Variants in BMPER observed in about 807,000 individuals in gnomAD.
BMPER encodes BMP binding endothelial regulator.
Under a neutral mutation model 87.3 loss-of-function variants are expected in BMPER, and 45 were observed. The observed-to-expected ratio is 0.52, with a 90% CI of 0.41 to 0.66. BMPER has a LOEUF of 0.66. Among genes scored for constraint, BMPER ranks in the 30% least tolerant of loss-of-function variants. The pLI is 0.00. For synonymous variants in BMPER, 326 were observed against 316.2 expected (o/e 1.03, Z -0.33); for missense variants, 784 against 867.5 (o/e 0.90, Z 1.21).
chr7:33,998,820 C>T (rs1786495255), intron 6 of BMPER, among the ~76,000 whole-genome samples: 2 of 152,232 alleles, frequency 1.3e-5, no homozygotes, highest in African/African-American at 2.4e-5. Context: ...CCGACCTGCT[C>T]ATCAGAGGAG....
At chr7:34,082,421 T>C (rs560488144) in intron 12 of BMPER, among the ~76,000 whole-genome samples, 1 of 149,454 alleles carries the variant, frequency 6.7e-6, no homozygotes, top group Non-Finnish European at 1.5e-5. Context: ...TGCAAATGCA[T>C]ATGTAGATGA....
At chr7:34,082,209 T>C (rs1789067730) in intron 12 of BMPER, among the ~76,000 whole-genome samples, 1 of 152,034 alleles carries the variant, frequency 6.6e-6, no homozygotes, top group Admixed American at 6.6e-5. Context: ...GAGAAACTCA[T>C]CCCAGCTGCA....
intron 6 of BMPER, among the ~76,000 whole-genome samples, chr7:33,991,141 A>G (rs1222334276): frequency 6.8e-6 from 1 of 147,576 alleles, no homozygotes; most frequent in African/African-American, 2.5e-5. Context: ...AAAATGAGTT[A>G]GGGAGGATTC....
chr7:33,905,823 C>T (rs1205800757), intron 1 of BMPER, 77 bp downstream of exon 1: 5 of 438,020 alleles, frequency 1.1e-5, no homozygotes, highest in Non-Finnish European at 2.3e-5. Flanking sequence ...TGGCTTGCCC[C>T]GGGGATGGGA....
chr7:34,059,022 A>G (rs1788359344), intron 10 of BMPER, among the ~76,000 whole-genome samples: 1 of 140,126 alleles, frequency 7.1e-6, no homozygotes, highest in Non-Finnish European at 1.6e-5. Context: ...AGGAGAGGAA[A>G]AAAAGAAAAA....
intron 13 of BMPER, among the ~76,000 whole-genome samples, chr7:34,118,451 T>G (rs1790173327): frequency 6.6e-6 from 1 of 152,190 alleles, no homozygotes; most frequent in Non-Finnish European, 1.5e-5. Context: ...AGGGGGAGCA[T>G]TTCCAAAGCT....
At chr7:33,947,935 C>G (rs1784926407) in intron 3 of BMPER, among the ~76,000 whole-genome samples, 1 of 152,030 alleles carries the variant, frequency 6.6e-6, no homozygotes. Flanking sequence ...TTTAAAAAAA[C>G]TCTTATATGA....
At chr7:34,029,005 C>T (rs933708922) in intron 6 of BMPER, among the ~76,000 whole-genome samples, 8 of 151,930 alleles carry the variant, frequency 5.3e-5, no homozygotes, top group Non-Finnish European at 8.8e-5. Flanking sequence ...ATATTGTCAT[C>T]ATGGAATATT....
intron 6 of BMPER, among the ~76,000 whole-genome samples, chr7:33,979,039 A>T (rs1785768175): frequency 2.0e-5 from 3 of 152,120 alleles, no homozygotes; most frequent in Non-Finnish European, 4.4e-5. Context: ...TAAGGGTGAG[A>T]GGATGTGGGT....
chr7:34,068,238 G>A (rs532383299), intron 11 of BMPER, among the ~76,000 whole-genome samples: 70 of 152,314 alleles, frequency 4.6e-4, no homozygotes, highest in African/African-American at 1.6e-3. Flanking sequence ...TAAGAAGGAC[G>A]CTCAAGATAG....
Position 34,051,970 on chromosome 7 carries a change from G to T in BMPER, c.786G>T (p.Arg262Ser). 1 of 1,609,900 alleles carries T rather than the reference G, an allele frequency of 6.2e-7. No individual in the cohort carries two copies. The highest frequency in any genetic ancestry group is 1.3e-5 in the African/African-American group (1 of 74,908). The change falls in exon 8 of 15, where the codon AGG becomes AGT. Residue 262 changes from arginine (R) to serine (S), a missense_variant and splice_region_variant. Coordinates refer to ENST00000649409, the MANE Select transcript of BMPER (RefSeq NM_001365308.1). Reference protein sequence around the residue: ...LYDNCTACTCRDSTVVCKRKC... With the variant: ...LYDNCTACTCSDSTVVCKRKC... ...ATAACTGCACAGCTTGTACCTGCAGGGTAAGGCAGCTCTGAGAGGCTGTGG... is the reference window on the plus strand; with the variant it reads ...ATAACTGCACAGCTTGTACCTGCAGTGTAAGGCAGCTCTGAGAGGCTGTGG...
chr7:33,957,793 A>G (rs1037058638), intron 3 of BMPER, among the ~76,000 whole-genome samples: 1 of 152,198 alleles, frequency 6.6e-6, no homozygotes, highest in Non-Finnish European at 1.5e-5. Flanking sequence ...TAAAAGATAA[A>G]GAGTGATGGT....
intron 13 of BMPER, among the ~76,000 whole-genome samples, chr7:34,111,952 T>A (rs556010909): frequency 2.2e-4 from 33 of 152,222 alleles, no homozygotes; most frequent in Admixed American, 5.2e-4. Flanking sequence ...CCTCAGGTGA[T>A]CCGCCTGCCT....
At chr7:34,040,600 A>G (rs1787806738) in intron 6 of BMPER, among the ~76,000 whole-genome samples, 1 of 152,092 alleles carries the variant, frequency 6.6e-6, no homozygotes, top group South Asian at 2.1e-4. Flanking sequence ...TAGAATGAGG[A>G]GCCACTAAAA....
intron 11 of BMPER, among the ~76,000 whole-genome samples, chr7:34,077,365 G>A (rs934560833): frequency 2.6e-5 from 4 of 152,158 alleles, no homozygotes; most frequent in African/African-American, 4.8e-5. Context: ...AGAAGGAAAA[G>A]CGACCAAGAA....
intron 6 of BMPER, among the ~76,000 whole-genome samples, chr7:33,977,742 G>C (rs1585698124): frequency 6.6e-6 from 1 of 152,000 alleles, no homozygotes. Context: ...ATCTGTAATT[G>C]CATGTATCTA....
chr7:34,013,064 C>A (rs2127942131), intron 6 of BMPER, among the ~76,000 whole-genome samples: 1 of 151,836 alleles, frequency 6.6e-6, no homozygotes, highest in African/African-American at 2.4e-5. Flanking sequence ...CTGAAAAGAC[C>A]CAAAGATCTA....
chr7:34,068,211 A>T (rs954395582), intron 11 of BMPER, among the ~76,000 whole-genome samples: 1 of 152,180 alleles, frequency 6.6e-6, no homozygotes, highest in Non-Finnish European at 1.5e-5. Flanking sequence ...CAGTTGAGGG[A>T]ACTGAGGCTT....
At chr7:34,046,737 G>A (rs1046466992) in intron 7 of BMPER, among the ~76,000 whole-genome samples, 2 of 152,062 alleles carry the variant, frequency 1.3e-5, no homozygotes, top group Non-Finnish European at 2.9e-5. Flanking sequence ...TATTTTAAAG[G>A]TATTTGAAGT....
Sources: allele counts gnomAD v4.1 joint callset (sites outside exome capture counted in the v4.1 genomes callset), GRCh38; gene constraint gnomAD v4.1.1; transcripts MANE v1.5; gene names NCBI Gene and HGNC (gene_info 2026-07-23, HGNC 2026-07-21).